Variants in ZNF75A observed in about 807,000 individuals in gnomAD.
The protein encoded by ZNF75A is zinc finger protein 75A.
In ZNF75A, 36 loss-of-function variants were observed where a neutral mutation model predicts 46.3. The ratio of observed to expected loss-of-function variants is 0.78; its 90% CI spans 0.60 to 1.03. ZNF75A has a LOEUF of 1.03. Ranked by LOEUF, ZNF75A falls within the 50% of genes least tolerant of loss-of-function variation. ZNF75A has a pLI of 0.00. For synonymous variants in ZNF75A, 234 were observed against 189.9 expected (o/e 1.23, Z -1.91); for missense variants, 595 against 551.3 (o/e 1.08, Z -0.79).
chr16:3,320,393 CTG>C (rs1961485740), downstream of ZNF75A, among the ~76,000 whole-genome samples: 1 of 152,212 alleles, frequency 6.6e-6, no homozygotes, highest in South Asian at 2.1e-4. Context: ...GGGGGAGTGA[CTG>C]TTTTGCTGGA....
At chr16:3,319,418 A>G (rs1961439787), downstream of ZNF75A, among the ~76,000 whole-genome samples, 1 of 152,108 alleles carries the variant, frequency 6.6e-6, no homozygotes, top group African/African-American at 2.4e-5. Flanking sequence ...CCCAGCCTAT[A>G]CTAATTGTTT....
intron 5 of ZNF75A, chr16:3,315,251 G>A (rs998900913): frequency 1.7e-5 from 4 of 230,624 alleles, no homozygotes; most frequent in African/African-American, 9.5e-5. Flanking sequence ...GAGTGCAGTG[G>A]TGCGATCTCA....
intron 5 of ZNF75A, 37 bp from the exon 6 acceptor site, chr16:3,316,875 G>A (rs763147823): frequency 7.0e-7 from 1 of 1,437,230 alleles, no homozygotes; most frequent in South Asian, 1.2e-5. Context: ...TCACTGTTAA[G>A]TTACCAGTCC....
Position 3,317,990 on chromosome 16 carries a change from C to T in ZNF75A, c.*121C>T, listed in dbSNP as rs559478171. The T allele has an allele frequency of 7.0e-7, 1 of 1,435,604 alleles. No individual in the cohort carries two copies. The highest frequency in any genetic ancestry group is 9.1e-7 in the Non-Finnish European group (1 of 1,101,364). The allele number at this position is 1,435,604 out of a possible 1,614,324, so 88.9% of individuals were successfully genotyped here. The stretch of plus-strand genomic sequence containing the variant: ...ATTTTACATCAGAAAATGGGATAAA[C>T]ATACATTTCACAGAAAATAATCAAG... On this transcript the variant is annotated 3_prime_UTR_variant, in exon 7 of 7. Coordinates refer to ENST00000669516, the MANE Select transcript of ZNF75A (RefSeq NM_001302109.2).
chr16:3,311,509 T>C (rs2150810158), intron 2 of ZNF75A: 1 of 150,760 alleles, frequency 6.6e-6, no homozygotes, highest in Admixed American at 6.6e-5. Context: ...TACAGAGGAG[T>C]AGAAGCTGCT....
Position 3,313,057 on chromosome 16 carries a change from G to C in ZNF75A, c.705G>C (p.Leu235Phe), listed in dbSNP as rs1416413267. The C allele has an allele frequency of 3.1e-6, 5 of 1,612,532 alleles. No individual in the cohort carries two copies. The African/African-American group carries it at 5.3e-5, about 17-fold the overall frequency. ...TCCATTCTCTTCTTTAGAGCTTGTT[G>C]ACATTTGAAGAAGTGGCCATGTATT... is the stretch of plus-strand genomic sequence containing the variant. The part of the protein sequence containing the change: ...EHVLPESQSL[L>F]TFEEVAMYFS... The change falls in exon 5 of 7, where the codon TTG becomes TTC. Residue 235 changes from leucine (L) to phenylalanine (F), a missense_variant. Physicochemically the swap from Leu to Phe is conservative, Grantham distance 22. Transcript: ENST00000669516.
Position 3,312,688 on chromosome 16 carries a change from C to G in ZNF75A, c.616C>G (p.Gln206Glu), listed in dbSNP as rs1234171753. Residue 206 changes from glutamine (Q) to glutamate (E), a missense_variant, in exon 4 of 7, where the codon CAA becomes GAA. Coordinates refer to ENST00000669516, the MANE Select transcript of ZNF75A (RefSeq NM_001302109.2). Reference sequence around the variant, plus strand: ...TTTTCCCCCCACAGCTGTGCCTACTCAACAGATTCTAGCTTTTCCTGAGCA... The same window carrying G: ...TTTTCCCCCCACAGCTGTGCCTACTGAACAGATTCTAGCTTTTCCTGAGCA... ...EPVYERAVPT[Q>E]QILAFPEQTN... is the part of the protein sequence containing the mutation. 9.9e-7 allele frequency: 1 copy of G among 1,013,574 alleles called. No individual in the cohort carries two copies. Among genetic ancestry groups the G allele is most frequent in the Non-Finnish European group, 1.2e-6 (1 of 846,506 alleles). The allele number at this position is 1,013,574 out of a possible 1,614,324, so 62.8% of individuals were successfully genotyped here. A position where few individuals can be genotyped will look rare whatever the true frequency, so the allele number is the denominator to read the frequency against.
Position 3,317,576 on chromosome 16 carries a change from T to G in ZNF75A, c.1321T>G (p.Trp441Gly). 6.2e-7 allele frequency: 1 copy of G among 1,614,178 alleles called. No individual in the cohort carries two copies. The highest frequency in any genetic ancestry group is 8.5e-7 in the Non-Finnish European group (1 of 1,180,030). ...TCAACAGTGTGATAAGAGGTTTAGA[T>G]GGAGTTCAGATCTTAATAAGCACTT... ...KCQQCDKRFR[W>G]SSDLNKHLTT... Residue 441 changes from tryptophan to glycine, a missense_variant, in exon 7 of 7, where the codon TGG becomes GGG. By Grantham distance (184) the Trp-to-Gly change is radical. Transcript: ENST00000669516.
chr16:3,313,780 T>TA (rs1235767550), intron 5 of ZNF75A, among the ~76,000 whole-genome samples: 2 of 152,204 alleles, frequency 1.3e-5, no homozygotes, highest in Admixed American at 1.3e-4. Flanking sequence ...TGTGGTCACT[T>TA]ACATTCAGAA....
chr16:3,311,452 AAAT>A (rs1304585540), intron 2 of ZNF75A, among the ~76,000 whole-genome samples: 4 of 150,982 alleles, frequency 2.6e-5, no homozygotes, highest in African/African-American at 9.9e-5. Flanking sequence ...AAAAAAAAAA[AAAT>A]GAGTGGGCTG....
chr16:3,319,537 TC>T (rs1814679651), downstream of ZNF75A, among the ~76,000 whole-genome samples: 1 of 152,210 alleles, frequency 6.6e-6, no homozygotes, highest in Non-Finnish European at 1.5e-5. Context: ...TGTGTGGCTT[TC>T]TTTCTGGCCC....
intron 2 of ZNF75A, 123 bp downstream of exon 2, chr16:3,308,959 G>A: frequency 1.9e-6 from 1 of 532,226 alleles, no homozygotes; most frequent in Non-Finnish European, 2.4e-6. Flanking sequence ...TTTTTTTTAA[G>A]GACAGTTAAG....
chr16:3,308,582 CG>C lies in ZNF75A; in HGVS notation c.156del (p.Asn53IlefsTer25). ...LDPKSSCWHFRNFTYDEAGGP... is the reference protein window; with the variant it reads ...LDPKSSCWHFXNFTYDEAGGP... ...TCCTAAGAGCTCTTGCTGGCACTTC[CG>C]GAATTTCACCTATGATGAAGCAGGT... On this transcript the variant is annotated frameshift_variant, in exon 2 of 7. Transcript: ENST00000669516. LOFTEE classifies it high-confidence loss of function. 3 of 985,930 alleles carry C rather than the reference CG, an allele frequency of 3.0e-6. No individual in the cohort carries two copies. Among genetic ancestry groups the C allele is most frequent in the Non-Finnish European group, 3.6e-6 (3 of 829,992 alleles). 61.1% of individuals were successfully genotyped at this position (985,930 alleles called of 1,614,324 possible). A position where few individuals can be genotyped will look rare whatever the true frequency, so the allele number is the denominator to read the frequency against.
intron 5 of ZNF75A, 196 bp from the exon 6 acceptor site, chr16:3,316,716 C>A: frequency 4.5e-6 from 2 of 446,958 alleles, no homozygotes; most frequent in Middle Eastern, 4.8e-4. Context: ...AGATTTATTT[C>A]TTAGTCTCTG....
intron 1 of ZNF75A, chr16:3,306,005 T>G (rs1248496840): frequency 6.6e-6 from 1 of 152,208 alleles, no homozygotes; most frequent in South Asian, 2.1e-4. Context: ...GCCGATGTCA[T>G]GCGGTCGGTT....
At chr16:3,314,939 C>G (rs976876967) in intron 5 of ZNF75A, 2 of 985,178 alleles carry the variant, frequency 2.0e-6, no homozygotes, top group Non-Finnish European at 2.4e-6. Flanking sequence ...GAGAATGAAC[C>G]TCTGTGAGAG....
At position 3,318,472 on chromosome 16, in the gene ZNF75A, G is replaced by T. The variant is rs1191045310; in HGVS notation, c.*603G>T. The T allele has an allele frequency of 2.0e-6, 2 of 985,256 alleles. No homozygotes were observed. The highest frequency in any genetic ancestry group is 3.5e-5 in the African/African-American group (2 of 57,202). The allele number at this position is 985,256 out of a possible 1,614,324, so 61.0% of individuals were successfully genotyped here. ...CATTGGTGATGTTTGGAAAATAGAA[G>T]ACATCTCTAATGGAATCATGGGGGA... On this transcript the variant is annotated 3_prime_UTR_variant, in exon 7 of 7. Coordinates refer to ENST00000669516, the MANE Select transcript of ZNF75A (RefSeq NM_001302109.2).
At chr16:3,317,054 C>T (rs1381492419) in intron 6 of ZNF75A, 32 bp downstream of exon 6, 1 of 1,582,608 alleles carries the variant, frequency 6.3e-7, no homozygotes, top group African/African-American at 1.4e-5. Flanking sequence ...GAGAAATGTG[C>T]CTTGATGTGA....
chr16:3,316,941 ATCTCCTG>A lies in ZNF75A; in HGVS notation c.857_863del (p.Ser286Ter). 6.2e-7 allele frequency: 1 copy of A among 1,613,644 alleles called. No homozygotes were observed. The highest frequency in any genetic ancestry group is 8.5e-7 in the Non-Finnish European group (1 of 1,179,828). ...GTTTGTGCTCCCCAAACCTAAAGTGATCTCCTGTCTAGAGCAAGGGGAAGAGCCATGG... is the reference window on the plus strand; with the variant it reads ...GTTTGTGCTCCCCAAACCTAAAGTGATCTAGAGCAAGGGGAAGAGCCATGG... On this transcript the variant is annotated frameshift_variant, in exon 6 of 7. Transcript: ENST00000669516. LOFTEE classifies it high-confidence loss of function.
Sources: allele counts gnomAD v4.1 joint callset (sites outside exome capture counted in the v4.1 genomes callset), GRCh38; gene constraint gnomAD v4.1.1; transcripts MANE v1.5; gene names NCBI Gene and HGNC (gene_info 2026-07-23, HGNC 2026-07-21).